CBR4: variants seen among roughly 807,000 people sequenced by gnomAD.
CBR4 encodes carbonyl reductase 4, also known as 3-oxoacyl-[acyl-carrier-protein] reductase.
A neutral mutation model predicts 21.0 loss-of-function variants in CBR4; 22 were observed. The ratio of observed to expected loss-of-function variants is 1.05; its 90% CI spans 0.75 to 1.50. The LOEUF (loss-of-function observed/expected upper bound fraction) is 1.50, where lower values mean the gene tolerates loss of function less well. Ranked by LOEUF, CBR4 falls within the 40% of genes most tolerant of loss-of-function variation. The pLI is 0.00. For missense variants in CBR4, 302 were observed against 286.3 expected, an observed-to-expected ratio of 1.05 and a Z score of -0.40; for synonymous variants, 100 against 104.4, an observed-to-expected ratio of 0.96 and a Z score of 0.26.
At chr4:168,911,097 T>C (rs970152897) in intron 2 of CBR4, among the ~76,000 whole-genome samples, 9 of 152,178 alleles carry the variant, frequency 5.9e-5, no homozygotes, top group Admixed American at 2.6e-4. Context: ...TTAGGTTACA[T>C]CATTTAACCC....
intron 2 of CBR4, among the ~76,000 whole-genome samples, chr4:168,960,532 C>T (rs1285166271): frequency 6.6e-6 from 1 of 152,092 alleles, no homozygotes; most frequent in Non-Finnish European, 1.5e-5. Flanking sequence ...CTATTGTATA[C>T]TATCAGTTGT....
At chr4:168,910,473 T>C (rs1307030098) in intron 2 of CBR4, among the ~76,000 whole-genome samples, 3 of 152,134 alleles carry the variant, frequency 2.0e-5, no homozygotes, top group African/African-American at 7.2e-5. Flanking sequence ...GTAAATTACA[T>C]TCTAATACCA....
chr4:168,966,654 C>T (rs1179562738), intron 2 of CBR4, among the ~76,000 whole-genome samples: 1 of 152,170 alleles, frequency 6.6e-6, no homozygotes, highest in African/African-American at 2.4e-5. Flanking sequence ...TGTGGCGACT[C>T]AAGGATCTAG....
chr4:168,989,464 T>G lies in CBR4; in HGVS notation c.*686A>C, dbSNP rs901980452. 35 of 985,274 alleles carry G rather than the reference T, an allele frequency of 3.6e-5. 1 individual carries two copies. In the African/African-American group the frequency reaches 5.8e-4, roughly 16 times the overall value. 61.0% of individuals were successfully genotyped at this position (985,274 alleles called of 1,614,324 possible). A position where few individuals can be genotyped will look rare whatever the true frequency, so the allele number is the denominator to read the frequency against. On this transcript the variant is annotated 3_prime_UTR_variant, in exon 5 of 5. Transcript: ENST00000306193. ...AGAAATACCACTCAAAGAAATCAAT[T>G]CTAAATTCATGTCTTTAATGAATAC...
intron 2 of CBR4, among the ~76,000 whole-genome samples, chr4:168,950,963 T>G (rs1027027567): frequency 6.6e-6 from 1 of 152,226 alleles, no homozygotes; most frequent in Non-Finnish European, 1.5e-5. Context: ...CCGCTTTACT[T>G]TAAGTTTGTG....
intron 2 of CBR4, among the ~76,000 whole-genome samples, chr4:168,956,374 G>A (rs1298093863): frequency 6.6e-6 from 1 of 151,900 alleles, no homozygotes; most frequent in Non-Finnish European, 1.5e-5. Flanking sequence ...GGGAGGCCAA[G>A]GCAGGAGCCT....
At chr4:168,910,957 G>A (rs1758822543) in intron 2 of CBR4, among the ~76,000 whole-genome samples, 1 of 152,222 alleles carries the variant, frequency 6.6e-6, no homozygotes, top group Non-Finnish European at 1.5e-5. Flanking sequence ...AGCTGCTGGG[G>A]CTCCTAAAAA....
chr4:169,009,017 G>A (rs1438245413), intron 1 of CBR4: 1 of 452,160 alleles, frequency 2.2e-6, no homozygotes, highest in East Asian at 7.0e-5. Flanking sequence ...CAGTAAATCA[G>A]GAGTTGGGGT....
In CBR4 at chr4:169,003,777, G is replaced by T. The variant is rs557305694; in HGVS notation, c.401-1572C>A. ...GGAATACTAAGCAGCCATAAAAAATGATGAGTTCATGTCCTTTGTAGGGAC... is the reference window on the plus strand; with the variant it reads ...GGAATACTAAGCAGCCATAAAAAATTATGAGTTCATGTCCTTTGTAGGGAC... On this transcript the variant is annotated intron_variant, in intron 3 of 4. Transcript: ENST00000306193. Among the ~76,000 whole-genome samples, 9 of 152,266 alleles carry T rather than the reference G, an allele frequency of 5.9e-5. No individual in the cohort carries two copies. The East Asian group carries it at 1.7e-3, about 29-fold the overall frequency.
At chr4:168,985,045 T>C (rs1764645454), downstream of CBR4, among the ~76,000 whole-genome samples, 1 of 151,340 alleles carries the variant, frequency 6.6e-6, no homozygotes, top group South Asian at 2.1e-4. Flanking sequence ...CAAGAAAAAC[T>C]GACAAGTGGA....
At chr4:168,965,114 T>C (rs564269834) in intron 2 of CBR4, among the ~76,000 whole-genome samples, 1 of 152,018 alleles carries the variant, frequency 6.6e-6, no homozygotes, top group African/African-American at 2.4e-5. Flanking sequence ...TATACACCAA[T>C]AATAGACAAA....
chr4:168,973,543 G>T (rs868342736), intron 2 of CBR4, among the ~76,000 whole-genome samples: 2 of 152,174 alleles, frequency 1.3e-5, no homozygotes, highest in Non-Finnish European at 2.9e-5. Context: ...GGTCAGGTTG[G>T]TCTCAAACTC....
chr4:168,988,560 C>T lies in CBR4; in HGVS notation c.*1590G>A, dbSNP rs1276592351. 4 of 985,266 alleles carry T rather than the reference C, an allele frequency of 4.1e-6. No individual in the cohort carries two copies. Among genetic ancestry groups the T allele is most frequent in the African/African-American group, 1.7e-5 (1 of 57,218 alleles). The allele number at this position is 985,266 out of a possible 1,614,324, so 61.0% of individuals were successfully genotyped here. ...CTATCTACTATGTCTGAATAAGCTC[C>T]CCTACCTTACAAGCATCAACTACTA... On this transcript the variant is annotated 3_prime_UTR_variant, in exon 5 of 5. Coordinates refer to ENST00000306193, the MANE Select transcript of CBR4 (RefSeq NM_032783.5).
chr4:168,924,108 T>C (rs750954768), intron 2 of CBR4: 13 of 679,828 alleles, frequency 1.9e-5, no homozygotes, highest in Non-Finnish European at 2.6e-5. Context: ...AAAGAATAAT[T>C]TGGAGAGGGG....
At chr4:168,941,475 G>A (rs1172513561) in intron 2 of CBR4, among the ~76,000 whole-genome samples, 1 of 151,940 alleles carries the variant, frequency 6.6e-6, no homozygotes, top group Non-Finnish European at 1.5e-5. Flanking sequence ...AACAGATACG[G>A]AAAAAGCATT....
chr4:168,962,238 G>A (rs914879186), intron 2 of CBR4, among the ~76,000 whole-genome samples: 4 of 151,926 alleles, frequency 2.6e-5, no homozygotes, highest in African/African-American at 4.8e-5. Context: ...TCTTGAAAGC[G>A]AAATATTTTA....
intron 2 of CBR4, among the ~76,000 whole-genome samples, chr4:168,929,346 T>C (rs1323293273): frequency 6.6e-6 from 1 of 152,222 alleles, no homozygotes; most frequent in Non-Finnish European, 1.5e-5. Flanking sequence ...GGTGAAAATA[T>C]TTCATCTTTT....
chr4:168,909,842 A>G (rs1462748813), intron 2 of CBR4, among the ~76,000 whole-genome samples: 1 of 152,180 alleles, frequency 6.6e-6, no homozygotes, highest in Non-Finnish European at 1.5e-5. Context: ...CATCTTTTCA[A>G]AAAAGCTTCA....
chr4:168,977,664 T>C (rs1764412293), intron 2 of CBR4, among the ~76,000 whole-genome samples: 1 of 152,220 alleles, frequency 6.6e-6, no homozygotes, highest in Admixed American at 6.5e-5. Flanking sequence ...ACATACTTGA[T>C]GTCTCCTATC....
Sources: allele counts gnomAD v4.1 joint callset (sites outside exome capture counted in the v4.1 genomes callset), GRCh38; gene constraint gnomAD v4.1.1; transcripts MANE v1.5; gene names NCBI Gene and HGNC (gene_info 2026-07-23, HGNC 2026-07-21).